Variants in MCTP1 observed in about 807,000 individuals in gnomAD.
The protein encoded by MCTP1 is multiple C2 and transmembrane domain containing 1.
Under a neutral mutation model 120.6 loss-of-function variants are expected in MCTP1, and 69 were observed. The observed-to-expected ratio is 0.57, with a 90% CI of 0.47 to 0.70. The LOEUF is 0.70. Ranked by LOEUF, MCTP1 falls within the 30% of genes least tolerant of loss-of-function variation. The probability of loss-of-function intolerance (pLI) is 0.00; values close to 1 mark genes in which losing one functional copy is unlikely to be tolerated. For synonymous variants in MCTP1, 529 were observed against 493.1 expected (o/e 1.07, Z -0.96); for missense variants, 1,203 against 1,248.8 (o/e 0.96, Z 0.55).
intron 1 of MCTP1, among the ~76,000 whole-genome samples, chr5:95,172,329 C>T (rs1387565305): frequency 1.3e-5 from 2 of 152,196 alleles, no homozygotes; most frequent in African/African-American, 4.8e-5. Flanking sequence ...TGGGGGATGC[C>T]TCCCAGTTAG....
At chr5:95,009,255 A>T (rs752562559) in intron 2 of MCTP1, among the ~76,000 whole-genome samples, 2 of 152,168 alleles carry the variant, frequency 1.3e-5, no homozygotes, top group African/African-American at 2.4e-5. Flanking sequence ...CCATGACCCA[A>T]ATTTCAAGAA....
At chr5:95,149,390 C>G (rs1205674920) in intron 1 of MCTP1, among the ~76,000 whole-genome samples, 1 of 152,116 alleles carries the variant, frequency 6.6e-6, no homozygotes, top group Admixed American at 6.5e-5. Context: ...CTAGGAGCAG[C>G]AGGGAGCAGG....
At chr5:95,061,230 C>T in intron 1 of MCTP1, among the ~76,000 whole-genome samples, 1 of 150,754 alleles carries the variant, frequency 6.6e-6, no homozygotes. Flanking sequence ...CAAATAAACA[C>T]ACAGAGGGAA....
At chr5:95,237,482 A>G (rs1233425555) in intron 1 of MCTP1, among the ~76,000 whole-genome samples, 2 of 152,176 alleles carry the variant, frequency 1.3e-5, no homozygotes, top group Non-Finnish European at 2.9e-5. Flanking sequence ...TCTAGGCACG[A>G]CTGAGATAGG....
chr5:95,058,179 A>T (rs1747933236), intron 1 of MCTP1, among the ~76,000 whole-genome samples: 1 of 152,220 alleles, frequency 6.6e-6, no homozygotes, highest in Non-Finnish European at 1.5e-5. Flanking sequence ...ACCCTTCCCA[A>T]TAATTCAAAT....
chr5:95,136,432 A>T (rs901647778), intron 1 of MCTP1, among the ~76,000 whole-genome samples: 2 of 152,176 alleles, frequency 1.3e-5, no homozygotes, highest in African/African-American at 4.8e-5. Flanking sequence ...CTGCTCAATT[A>T]TGTAAAAGAT....
At chr5:94,770,776 T>A (rs902300107) in intron 19 of MCTP1, among the ~76,000 whole-genome samples, 12 of 152,320 alleles carry the variant, frequency 7.9e-5, no homozygotes, top group African/African-American at 1.7e-4. Flanking sequence ...ATTATTTTTT[T>A]AAAATATGAT....
At chr5:95,187,645 C>A (rs1488038865) in intron 1 of MCTP1, among the ~76,000 whole-genome samples, 1 of 152,114 alleles carries the variant, frequency 6.6e-6, no homozygotes, top group Non-Finnish European at 1.5e-5. Flanking sequence ...CGTGATCCAC[C>A]CGCCTCAGTC....
chr5:95,035,032 A>T (rs1435579564), intron 1 of MCTP1, among the ~76,000 whole-genome samples: 1 of 152,082 alleles, frequency 6.6e-6, no homozygotes, highest in African/African-American at 2.4e-5. Flanking sequence ...GCCATCTCAC[A>T]CCAGTCAGAA....
At chr5:95,137,832 T>G (rs1759560221) in intron 1 of MCTP1, among the ~76,000 whole-genome samples, 1 of 152,192 alleles carries the variant, frequency 6.6e-6, no homozygotes, top group Non-Finnish European at 1.5e-5. Flanking sequence ...AAAAGGCTGT[T>G]TCCCTAATGT....
chr5:95,029,052 G>A (rs2194945), intron 1 of MCTP1, among the ~76,000 whole-genome samples: 141,649 of 151,888 alleles, frequency 0.93, 66,853 homozygotes, highest in Non-Finnish European at 1. Context: ...CCAGGTATAC[G>A]GGAGACTGAG....
chr5:94,946,218 T>C (rs1393372044), intron 3 of MCTP1, among the ~76,000 whole-genome samples: 3 of 152,194 alleles, frequency 2.0e-5, no homozygotes, highest in African/African-American at 7.2e-5. Context: ...AGGATGCTAA[T>C]GGCCTGCCAG....
chr5:94,947,581 G>T (rs201630802), intron 3 of MCTP1, among the ~76,000 whole-genome samples: 8,678 of 26,888 alleles, frequency 0.32, 465 homozygotes, highest in Non-Finnish European at 0.36. Context: ...TATATATAGA[G>T]AGAGAGAGAG....
intron 1 of MCTP1, among the ~76,000 whole-genome samples, chr5:95,250,312 G>A (rs2152697016): frequency 6.6e-6 from 1 of 152,250 alleles, no homozygotes; most frequent in South Asian, 2.1e-4. Context: ...ATGGGACTTG[G>A]GGGCTGAGGG....
intron 1 of MCTP1, among the ~76,000 whole-genome samples, chr5:95,122,944 A>T (rs1056552111): frequency 2.0e-5 from 3 of 152,224 alleles, no homozygotes; most frequent in African/African-American, 7.2e-5. Context: ...ACTAAAAATT[A>T]AAATAAGTAG....
intron 1 of MCTP1, among the ~76,000 whole-genome samples, chr5:95,262,817 T>G (rs976349963): frequency 2.0e-5 from 3 of 152,198 alleles, no homozygotes; most frequent in Non-Finnish European, 2.9e-5. Context: ...AAAGTTCATT[T>G]ATGTCAAACA....
Position 94,798,181 on chromosome 5 carries a change from TGTCTATTGA to T in MCTP1, c.2556+823_2556+831del, listed in dbSNP as rs1252053727. 2.0e-5 allele frequency among the ~76,000 whole-genome samples: 3 copies of T among 151,980 alleles called. No homozygotes were observed. The East Asian group carries it at 5.8e-4, about 29-fold the overall frequency. On this transcript the variant is annotated intron_variant, in intron 18 of 22. Transcript: ENST00000515393. ...CAACCTTTAAATTCTTCTCAACAGC[TGTCTATTGA>T]GTTACCAAATTGCAAATGTCATATT...
At chr5:95,030,695 G>T (rs534116540) in intron 1 of MCTP1, among the ~76,000 whole-genome samples, 7 of 152,144 alleles carry the variant, frequency 4.6e-5, no homozygotes, top group African/African-American at 1.7e-4. Context: ...AAATGATGGC[G>T]AATTCAAAAA....
intron 17 of MCTP1, among the ~76,000 whole-genome samples, chr5:94,846,197 C>A (rs561610934): frequency 2.0e-5 from 3 of 152,282 alleles, no homozygotes; most frequent in African/African-American, 7.2e-5. Flanking sequence ...GAGACATATG[C>A]ACATGTATGC....
Sources: gnomAD v4.1 joint callset for allele counts (sites outside exome capture counted in the v4.1 genomes callset) on GRCh38, gnomAD v4.1.1 for gene constraint, MANE v1.5 for transcripts, NCBI Gene and HGNC (gene_info 2026-07-23, HGNC 2026-07-21) for gene names.